Variants in LRP1 observed in about 807,000 individuals in gnomAD.
LRP1 encodes LDL receptor related protein 1.
Under a neutral mutation model 541.5 loss-of-function variants are expected in LRP1, and 51 were observed. The observed-to-expected ratio is 0.09, with a 90% CI of 0.08 to 0.12. The LOEUF (loss-of-function observed/expected upper bound fraction) is 0.12, where lower values mean the gene tolerates loss of function less well. Among genes scored for constraint, LRP1 ranks in the 10% least tolerant of loss-of-function variants. The pLI, the probability that LRP1 is intolerant of heterozygous loss-of-function variation, is 1.00. For synonymous variants in LRP1, 2,219 were observed against 2,470.8 expected (o/e 0.90, Z 3.02); for missense variants, 3,878 against 6,376.2 (o/e 0.61, Z 13.34).
In LRP1 at chr12:57,208,071, A is replaced by G. The variant is rs2036824099; in HGVS notation, c.11893A>G (p.Ile3965Val). The G allele has an allele frequency of 2.5e-6, 4 of 1,613,988 alleles. No individual in the cohort carries two copies. Among genetic ancestry groups the G allele is most frequent in the Non-Finnish European group, 2.5e-6 (3 of 1,179,996 alleles). Residue 3965 changes from isoleucine to valine, a missense_variant, in exon 77 of 89, where the codon ATC (isoleucine) becomes GTC (valine). This residue lies in a region of LRP1 where 871 missense variants were observed against 1,212.4 expected (regional missense o/e 0.72). Transcript: ENST00000243077. ...GCTGAAGATGCCCAGAGGCATCGCC[A>G]TCGACTGGGTGGCCGGAAACGTGTA... is the stretch of plus-strand genomic sequence containing the variant. ...SGLKMPRGIA[I>V]DWVAGNVYWT...
rs2036894350 is a variant in LRP1 at position 57,210,741 on chromosome 12, A to G, written c.12778A>G (p.Thr4260Ala). ...AGGCATGCCCACGTGCCGGTGCCCC[A>G]CGGGCTTCACGGGCCCCAAATGCAC... is the stretch of plus-strand genomic sequence containing the variant. The part of the protein sequence containing the change: ...PSGMPTCRCP[T>A]GFTGPKCTQQ... Residue 4260 changes from threonine to alanine, a missense_variant, in exon 83 of 89, where the codon ACG (threonine) becomes GCG (alanine). Physicochemically the swap from Thr to Ala is moderately conservative, Grantham distance 58 (BLOSUM62 0). Around this residue, in one of 13 missense-constraint regions of LRP1, gnomAD observed 871 missense variants for 1,212.4 expected, o/e 0.72. Coordinates refer to ENST00000243077, the MANE Select transcript of LRP1 (RefSeq NM_002332.3). 8 of 1,610,704 alleles carry G rather than the reference A, an allele frequency of 5.0e-6. No homozygotes were observed. Among genetic ancestry groups the G allele is most frequent in the Non-Finnish European group, 6.8e-6 (8 of 1,177,808 alleles).
intron 1 of LRP1, 198 bp downstream of exon 1, chr12:57,129,229 C>A (rs2034985729): frequency 1.7e-6 from 1 of 589,792 alleles, no homozygotes; most frequent in African/African-American, 1.9e-5. Flanking sequence ...AATGATGCTT[C>A]CGGGGCCCCC....
In LRP1 at chr12:57,192,186, T is replaced by C. The variant is rs572467980; in HGVS notation, c.7430-659T>C. Among the ~76,000 whole-genome samples the C allele has an allele frequency of 3.3e-5, 5 of 151,114 alleles. No homozygotes were observed. The East Asian group carries it at 7.8e-4, about 24-fold the overall frequency. ...CCCACACACACTTGCCTGGTCCTGCTCTCCCTGGGCCTCCATTACACAGAC... is the reference window on the plus strand; with the variant it reads ...CCCACACACACTTGCCTGGTCCTGCCCTCCCTGGGCCTCCATTACACAGAC... On this transcript the variant is annotated intron_variant, in intron 44 of 88. Transcript: ENST00000243077.
At chr12:57,166,302 C>A (rs2035839343) in intron 17 of LRP1, 93 bp downstream of exon 17, 1 of 1,463,392 alleles carries the variant, frequency 6.8e-7, no homozygotes, top group Non-Finnish European at 9.1e-7. Context: ...TGCCTATAAT[C>A]TCAGCACTTT....
chr12:57,202,561 C>T (rs759673616), intron 68 of LRP1, 24 bp downstream of exon 68: 14 of 1,510,908 alleles, frequency 9.3e-6, no homozygotes, highest in African/African-American at 6.9e-5. Flanking sequence ...CACCCAGCCC[C>T]GCATGAGCCC....
rs1401904211 is a variant in LRP1 at position 57,194,403 on chromosome 12, C to T, written c.7968C>T (p.Leu2656=). Residue 2656 remains leucine, a synonymous_variant, in exon 49 of 89, where the codon CTC becomes CTT. Coordinates refer to ENST00000243077, the MANE Select transcript of LRP1 (RefSeq NM_002332.3). ...TCCGCCTGGGCGTGAAGGGCGTGCT[C>T]TTCCAGCCCTGCGAGCGGACCTCAC... ...SYFRLGVKGV[L]FQPCERTSLC... 2.0e-6 allele frequency: 3 copies of T among 1,523,804 alleles called. No individual in the cohort carries two copies. The highest frequency in any genetic ancestry group is 1.8e-6 in the Non-Finnish European group (2 of 1,136,300). 94.4% of individuals were successfully genotyped at this position (1,523,804 alleles called of 1,614,324 possible).
At chr12:57,164,057 G>A (rs1242183143) in intron 15 of LRP1, among the ~76,000 whole-genome samples, 1 of 152,174 alleles carries the variant, frequency 6.6e-6, no homozygotes. Context: ...TGTAGTCCCA[G>A]CTATTTGGGA....
chr12:57,189,258 G>A lies in LRP1; in HGVS notation c.7032-1547G>A, dbSNP rs991211262. ...GCCAGGAGGAAAACCACTTCTCACT[G>A]CAGGTGTGAGTAGTTTCACCTGAGG... On this transcript the variant is annotated intron_variant, in intron 42 of 88. Transcript: ENST00000243077. This position sits in a 1 kb window ranked among gnomAD's most constrained non-coding sequence, Gnocchi z 4.4. Among the ~76,000 whole-genome samples the A allele has an allele frequency of 2.0e-5, 3 of 152,210 alleles. No individual in the cohort carries two copies. The highest frequency in any genetic ancestry group is 6.5e-5 in the Admixed American group (1 of 15,290).
chr12:57,160,791 C>A lies in LRP1; in HGVS notation c.1980-102C>A, dbSNP rs2136681051. ...GTCCAGTGATGAGCAGGACAGGAGA[C>A]CCCTGTGAGGAGCTCTGGGACAGCA... On this transcript the variant is annotated intron_variant, in intron 12 of 88. Coordinates refer to ENST00000243077, the MANE Select transcript of LRP1 (RefSeq NM_002332.3). The A allele has an allele frequency of 5.0e-6, 4 of 793,926 alleles. No homozygotes were observed. In the South Asian group the frequency reaches 6.3e-5, roughly 13 times the overall value. The allele number at this position is 793,926 out of a possible 1,614,324, so 49.2% of individuals were successfully genotyped here. A position where few individuals can be genotyped will look rare whatever the true frequency, so the allele number is the denominator to read the frequency against.
At position 57,212,369 on chromosome 12, in the gene LRP1, C is replaced by T. The variant is rs1399830469; in HGVS notation, c.13495-46C>T. ...GGTGGGGGTGGGGTAACCTGGGCTA[C>T]AGGCCCAGCTCCTGAGCCCTACCTG... On this transcript the variant is annotated intron_variant, in intron 88 of 88. Transcript: ENST00000243077. The surrounding 1 kb of genome is among the most constrained non-coding windows in gnomAD (Gnocchi z 5.0). 1.2e-6 allele frequency: 2 copies of T among 1,613,848 alleles called. No individual in the cohort carries two copies. The highest frequency in any genetic ancestry group is 8.5e-7 in the Non-Finnish European group (1 of 1,179,910).
At chr12:57,136,791 A>C (rs933284260) in intron 1 of LRP1, among the ~76,000 whole-genome samples, 1 of 152,174 alleles carries the variant, frequency 6.6e-6, no homozygotes, top group African/African-American at 2.4e-5. Context: ...CTTGCCAGCT[A>C]TTTGACCCTG....
In LRP1 at chr12:57,184,650, G is replaced by A. The variant is rs1455009545; in HGVS notation, c.6187-189G>A. Among the ~76,000 whole-genome samples, 1 of 152,162 alleles carries A rather than the reference G, an allele frequency of 6.6e-6. No individual in the cohort carries two copies. Among genetic ancestry groups the A allele is most frequent in the East Asian group, 1.9e-4 (1 of 5,182 alleles). ...GGTCGCTCAGAAGTGGGGAGTGGGG[G>A]AGTGGAGAGATGCCTGGAGGTCACC... On this transcript the variant is annotated intron_variant, in intron 38 of 88. Coordinates refer to ENST00000243077, the MANE Select transcript of LRP1 (RefSeq NM_002332.3). The surrounding 1 kb of genome is among the most constrained non-coding windows in gnomAD (Gnocchi z 7.8).
chr12:57,155,878 G>A (rs1592615846), intron 8 of LRP1, among the ~76,000 whole-genome samples: 1 of 152,336 alleles, frequency 6.6e-6, no homozygotes, highest in Non-Finnish European at 1.5e-5. Flanking sequence ...TTAAGCCCAG[G>A]AGGTGGAGAC....
intron 76 of LRP1, among the ~76,000 whole-genome samples, chr12:57,207,266 A>ATAAC (rs2036801781): frequency 7.2e-6 from 1 of 139,398 alleles, no homozygotes; most frequent in South Asian, 2.3e-4. Context: ...AAATAAATAA[A>ATAAC]TAAATAAATA....
Position 57,165,860 on chromosome 12 carries a change from C to T in LRP1, c.2586C>T (p.Ala862=). ...GCCAGCCAGGCGAGTTTGCCTGTGC[C>T]AACAGCCGCTGCATCCAGGAGCGCT... ...PQCQPGEFAC[A]NSRCIQERWK... Residue 862 remains alanine, a synonymous_variant, in exon 16 of 89, where the codon GCC becomes GCT. Coordinates refer to ENST00000243077, the MANE Select transcript of LRP1 (RefSeq NM_002332.3). This position sits in a 1 kb window ranked among gnomAD's most constrained non-coding sequence, Gnocchi z 4.5. 1 of 1,614,210 alleles carries T rather than the reference C, an allele frequency of 6.2e-7. No homozygotes were observed. Among genetic ancestry groups the T allele is most frequent in the Admixed American group, 1.7e-5 (1 of 60,028 alleles).
At chr12:57,151,887 T>C (rs1489243351) in intron 6 of LRP1, among the ~76,000 whole-genome samples, 4 of 151,096 alleles carry the variant, frequency 2.6e-5, no homozygotes, top group Non-Finnish European at 4.4e-5. Flanking sequence ...GTGCAGGGGG[T>C]TGGATAACAA....
Position 57,179,185 on chromosome 12 carries a change from G to C in LRP1, c.4739-144G>C, listed in dbSNP as rs1056620364. ...TGAGAAGGGGCTGCAGGTCTGCCAG[G>C]GGGGCTGCACCCAGCGGGGTATGTC... On this transcript the variant is annotated intron_variant, in intron 28 of 88. Coordinates refer to ENST00000243077, the MANE Select transcript of LRP1 (RefSeq NM_002332.3). This position sits in a 1 kb window ranked among gnomAD's most constrained non-coding sequence, Gnocchi z 6.8. The C allele has an allele frequency of 3.4e-6, 4 of 1,187,894 alleles. No individual in the cohort carries two copies. The highest frequency in any genetic ancestry group is 2.2e-5 in the Admixed American group (1 of 44,616). The allele number at this position is 1,187,894 out of a possible 1,614,324, so 73.6% of individuals were successfully genotyped here.
chr12:57,173,900 C>A lies in LRP1; in HGVS notation c.3467C>A (p.Thr1156Asn), dbSNP rs1343298777. 1.9e-6 allele frequency: 3 copies of A among 1,614,260 alleles called. No homozygotes were observed. The highest frequency in any genetic ancestry group is 1.7e-5 in the Admixed American group (1 of 60,036). Residue 1156 changes from threonine to asparagine, a missense_variant, in exon 22 of 89, where the codon ACC becomes AAC. By Grantham distance (65) the Thr-to-Asn change is moderately conservative. This residue lies in a region of LRP1 where 320 missense variants were observed against 547.9 expected (regional missense o/e 0.58). Coordinates refer to ENST00000243077, the MANE Select transcript of LRP1 (RefSeq NM_002332.3). The surrounding 1 kb of genome is among the most constrained non-coding windows in gnomAD (Gnocchi z 4.7). The part of the protein sequence containing the change: ...RPPSHPCANN[T>N]SVCLPPDKLC... ...CCCTCGCACCCTTGTGCCAACAACACCTCAGTCTGCCTGCCCCCTGACAAG... is the reference window on the plus strand; with the variant it reads ...CCCTCGCACCCTTGTGCCAACAACAACTCAGTCTGCCTGCCCCCTGACAAG...
chr12:57,206,392 G>A lies in LRP1; in HGVS notation c.11591-81G>A. 7.2e-7 allele frequency: 1 copy of A among 1,396,402 alleles called. No individual in the cohort carries two copies. Among genetic ancestry groups the A allele is most frequent in the Non-Finnish European group, 1.0e-6 (1 of 1,000,744 alleles). 86.5% of individuals were successfully genotyped at this position (1,396,402 alleles called of 1,614,324 possible). A position where few individuals can be genotyped will look rare whatever the true frequency, so the allele number is the denominator to read the frequency against. The stretch of plus-strand genomic sequence containing the variant: ...GATGGTCCTACCAGGAGATGGGACA[G>A]TGTTCATGTGAAAGGAGCTGAGCTG... On this transcript the variant is annotated intron_variant, in intron 75 of 88. Transcript: ENST00000243077. This position sits in a 1 kb window ranked among gnomAD's most constrained non-coding sequence, Gnocchi z 4.7.
Sources: gnomAD v4.1 joint callset for allele counts (sites outside exome capture counted in the v4.1 genomes callset) on GRCh38, gnomAD v4.1.1 for gene constraint, gnomAD v4.1.1 regional missense constraint, Gnocchi (gnomAD v3.1) non-coding constraint, MANE v1.5 for transcripts, NCBI Gene and HGNC (gene_info 2026-07-23, HGNC 2026-07-21) for gene names.